TOP2A: variants seen among roughly 807,000 people sequenced by gnomAD.
TOP2A encodes DNA topoisomerase II alpha.
TOP2A carries 68 observed loss-of-function variants against 187.2 expected under a neutral mutation model. The observed-to-expected ratio is 0.36, with a 90% CI of 0.30 to 0.44. TOP2A has a LOEUF of 0.44. Ranked by LOEUF, TOP2A falls within the 20% of genes least tolerant of loss-of-function variation. TOP2A has a pLI of 1.00. For missense variants in TOP2A, 1,196 were observed against 1,808.7 expected, an observed-to-expected ratio of 0.66 and a Z score of 6.14; for synonymous variants, 542 against 593.2, an observed-to-expected ratio of 0.91 and a Z score of 1.25.
rs556158663 is a variant in TOP2A, at chr17:40,397,007, G to A, written c.3538-542C>T. On this transcript the variant is annotated intron_variant, in intron 27 of 34. Coordinates refer to ENST00000423485, the MANE Select transcript of TOP2A (RefSeq NM_001067.4). ...AAGTGATCCTCCCACCTTGGCCTCC[G>A]GAGTAGCTGAGACTATAGGCCCACA... Among the ~76,000 whole-genome samples the A allele has an allele frequency of 1.2e-4, 18 of 150,464 alleles. 1 individual carries two copies. The highest frequency in any genetic ancestry group is 6.3e-4 in the South Asian group (3 of 4,746).
intron 13 of TOP2A, among the ~76,000 whole-genome samples, chr17:40,407,305 A>G (rs2035261144): frequency 6.6e-6 from 1 of 152,120 alleles, no homozygotes; most frequent in African/African-American, 2.4e-5. Flanking sequence ...AAATATTATG[A>G]CTGACCTACT....
chr17:40,392,289 A>C lies in TOP2A; in HGVS notation c.4017T>G (p.Phe1339Leu). The C allele has an allele frequency of 1.2e-6, 2 of 1,607,756 alleles. No homozygotes were observed. Among genetic ancestry groups the C allele is most frequent in the African/African-American group, 2.7e-5 (2 of 74,990 alleles). ...DLDSDEDFSD[F>L]DEKTDDEDFV... Reference sequence around the variant, plus strand: ...AATCTTCATCATCAGTTTTTTCATCAAAATCTGAGAAATCTTCATCTGAAT... The same window carrying C: ...AATCTTCATCATCAGTTTTTTCATCCAAATCTGAGAAATCTTCATCTGAAT... The change falls in exon 31 of 35, where the codon TTT becomes TTG. Residue 1339 changes from phenylalanine to leucine, a missense_variant. By Grantham distance (22) the Phe-to-Leu change is conservative. This residue lies in a region of TOP2A where 374 missense variants were observed against 403.3 expected (regional missense o/e 0.93). Coordinates refer to ENST00000423485, the MANE Select transcript of TOP2A (RefSeq NM_001067.4).
At chr17:40,400,686 A>C in intron 21 of TOP2A, 23 bp from the exon 22 acceptor site, 1 of 1,583,796 alleles carries the variant, frequency 6.3e-7, no homozygotes, top group South Asian at 1.2e-5. Context: ...TTAAAAAAAC[A>C]GTATGTTTTC....
chr17:40,406,873 G>A lies in TOP2A; in HGVS notation c.1696C>T (p.Arg566Ter), dbSNP rs2143665947. ...ATAAATTCCTCCAGAAAACGATGTCGCAGAAGAGAGGGCCAGTTGTGATGG... is the reference window on the plus strand; with the variant it reads ...ATAAATTCCTCCAGAAAACGATGTCACAGAAGAGAGGGCCAGTTGTGATGG... ...FIHHNWPSLLRHRFLEEFITP... is the reference protein window; with the variant it reads ...FIHHNWPSLL The change falls in exon 14 of 35, where the codon CGA becomes TGA. Residue 566 changes from arginine (R) to a stop codon, truncating the protein, a stop_gained. Transcript: ENST00000423485. LOFTEE classifies it high-confidence loss of function. 1 of 1,607,786 alleles carries A rather than the reference G, an allele frequency of 6.2e-7. No individual in the cohort carries two copies. The highest frequency in any genetic ancestry group is 8.5e-7 in the Non-Finnish European group (1 of 1,176,522).
rs755066235 is a variant in TOP2A, at chr17:40,413,184, T to TA, written c.576+10dup. 5 of 1,539,240 alleles carry TA rather than the reference T, an allele frequency of 3.2e-6. No individual in the cohort carries two copies. In the Admixed American group the frequency reaches 9.8e-5, roughly 30 times the overall value. On this transcript the variant is annotated intron_variant, in intron 6 of 34. Transcript: ENST00000423485. ...ATTTATCATTAAGGTACAAGACACT[T>TA]ATTTACTTGCCTGTTTGAACATTTT...
intron 1 of TOP2A, chr17:40,417,480 C>A: frequency 7.7e-7 from 1 of 1,300,464 alleles, no homozygotes; most frequent in Non-Finnish European, 1.0e-6. Flanking sequence ...GACTCAATAA[C>A]GTCGCACCCG....
chr17:40,392,242 G>T lies in TOP2A; in HGVS notation c.4064C>A (p.Pro1355Gln). 6.2e-7 allele frequency: 1 copy of T among 1,613,238 alleles called. No individual in the cohort carries two copies. Among genetic ancestry groups the T allele is most frequent in the South Asian group, 1.1e-5 (1 of 90,924 alleles). Residue 1355 changes from proline to glutamine, a missense_variant, in exon 31 of 35, where the codon CCA becomes CAA. Transcript: ENST00000423485. ...DEDFVPSDAS[P>Q]PKTKTSPKLS... is the part of the protein sequence containing the mutation. ...CTTTGGGGAAGTTTTGGTCTTAGGT[G>T]GACTAGCATCTGATGGGACAAAATC...
At chr17:40,410,991 A>C in intron 10 of TOP2A, 118 bp downstream of exon 10, 6 of 1,062,910 alleles carry the variant, frequency 5.6e-6, no homozygotes, top group Non-Finnish European at 7.8e-6. Flanking sequence ...CTTCCTTTTC[A>C]GATTGGGAAG....
At chr17:40,414,779 C>T (rs1337552565) in intron 4 of TOP2A, among the ~76,000 whole-genome samples, 1 of 150,468 alleles carries the variant, frequency 6.6e-6, no homozygotes, top group East Asian at 2.0e-4. Flanking sequence ...TTGCTTGAAC[C>T]CAGGAGGTGG....
rs534928235 is a variant in TOP2A at position 40,412,682 on chromosome 17, G to A, written c.789+77C>T. On this transcript the variant is annotated intron_variant, in intron 7 of 34. Transcript: ENST00000423485. ...AACAAACAAACAAAAACATATGGGA[G>A]GGGAAAAAATTCAATTTTGCACTTG... is the stretch of plus-strand genomic sequence containing the variant. 7 of 1,160,452 alleles carry A rather than the reference G, an allele frequency of 6.0e-6. No individual in the cohort carries two copies. In the South Asian group the frequency reaches 9.7e-5, roughly 16 times the overall value. 71.9% of individuals were successfully genotyped at this position (1,160,452 alleles called of 1,614,324 possible). A position where few individuals can be genotyped will look rare whatever the true frequency, so the allele number is the denominator to read the frequency against.
At chr17:40,397,189 T>G (rs1280853016) in intron 27 of TOP2A, among the ~76,000 whole-genome samples, 1 of 152,076 alleles carries the variant, frequency 6.6e-6, no homozygotes, top group Non-Finnish European at 1.5e-5. Context: ...GCTGGCCTTT[T>G]TTCTTATGTT....
chr17:40,390,196 G>A, intron 33 of TOP2A, 32 bp from the exon 34 acceptor site: 1 of 1,571,720 alleles, frequency 6.4e-7, no homozygotes, highest in Non-Finnish European at 8.6e-7. Context: ...TGTCACAGCT[G>A]CTCTTTTTTT....
chr17:40,398,110 CTTTTTTTTT>C (rs1048890086), intron 27 of TOP2A, among the ~76,000 whole-genome samples: 2 of 127,650 alleles, frequency 1.6e-5, no homozygotes, highest in African/African-American at 6.0e-5. Flanking sequence ...TAATCTGTCC[CTTTTTTTTT>C]TTTTTTTTTT....
At chr17:40,389,885 G>T in intron 34 of TOP2A, 80 bp downstream of exon 34, 1 of 1,415,404 alleles carries the variant, frequency 7.1e-7, no homozygotes, top group Non-Finnish European at 9.5e-7. Flanking sequence ...TTAAAGATAT[G>T]CCAAATTTTT....
chr17:40,400,538 T>G lies in TOP2A; in HGVS notation c.2790A>C (p.Thr930=). Reference sequence around the variant, plus strand: ...ATCCATAATTATTTACCTGGGTCCATGTTCTGACGGGAAGCTCTGAGATTT... The same window carrying G: ...ATCCATAATTATTTACCTGGGTCCAGGTTCTGACGGGAAGCTCTGAGATTT... ...TIEISELPVR[T]WTQTYKEQVL... The change falls in exon 22 of 35, where the codon ACA becomes ACC. Residue 930 remains threonine (T), a synonymous_variant. Coordinates refer to ENST00000423485, the MANE Select transcript of TOP2A (RefSeq NM_001067.4). The G allele has an allele frequency of 6.2e-7, 1 of 1,608,750 alleles. No homozygotes were observed. Among genetic ancestry groups the G allele is most frequent in the Non-Finnish European group, 8.5e-7 (1 of 1,178,420 alleles).
chr17:40,405,677 G>A (rs1004632380), intron 16 of TOP2A, among the ~76,000 whole-genome samples: 6 of 151,820 alleles, frequency 4.0e-5, no homozygotes, highest in Admixed American at 1.3e-4. Context: ...CACCGTGTTA[G>A]CCAGGATGGT....
chr17:40,398,922 C>G lies in TOP2A; in HGVS notation c.3304G>C (p.Glu1102Gln). ...TTTTCGTTGTCACTCTCTTCATTTT[C>G]TTCTTCATCTGGAACCTAAAGGATT... is the stretch of plus-strand genomic sequence containing the variant. Reference protein sequence around the residue: ...EAQQKVPDEEENEESDNEKET... With the variant: ...EAQQKVPDEEQNEESDNEKET... The change falls in exon 26 of 35, where the codon GAA becomes CAA. Residue 1102 changes from glutamate (E) to glutamine (Q), a missense_variant. Glu to Gln is a conservative substitution (Grantham distance 29). Transcript: ENST00000423485. The G allele has an allele frequency of 6.2e-7, 1 of 1,607,802 alleles. No individual in the cohort carries two copies. Among genetic ancestry groups the G allele is most frequent in the African/African-American group, 1.3e-5 (1 of 74,576 alleles).
intron 17 of TOP2A, 80 bp downstream of exon 17, chr17:40,404,711 G>C: frequency 3.1e-6 from 3 of 968,690 alleles, no homozygotes; most frequent in Non-Finnish European, 4.7e-6. Flanking sequence ...TAACTATTCA[G>C]TAAGTTTAAT....
At position 40,403,142 on chromosome 17, in the gene TOP2A, T is replaced by C. The variant is rs1245317401; in HGVS notation, c.2284-88A>G. 5 of 1,272,000 alleles carry C rather than the reference T, an allele frequency of 3.9e-6. No homozygotes were observed. In the African/African-American group the frequency reaches 7.5e-5, roughly 19 times the overall value. The allele number at this position is 1,272,000 out of a possible 1,614,324, so 78.8% of individuals were successfully genotyped here. ...ACCTCACTATAATCCTGTAACATTT[T>C]GTGAGGTCTAGTTGTTTAGTGACTT... is the stretch of plus-strand genomic sequence containing the variant. On this transcript the variant is annotated intron_variant, in intron 19 of 34. Transcript: ENST00000423485.
Sources: allele counts gnomAD v4.1 joint callset (sites outside exome capture counted in the v4.1 genomes callset), GRCh38; gene constraint gnomAD v4.1.1; regional missense constraint gnomAD v4.1.1; transcripts MANE v1.5; gene names NCBI Gene and HGNC (gene_info 2026-07-23, HGNC 2026-07-21).